The following ZNF185 variants were observed in gnomAD, a reference collection of about 807,000 sequenced individuals.
The protein encoded by ZNF185 is zinc finger protein 185 with LIM domain.
Under a neutral mutation model 58.6 loss-of-function variants are expected in ZNF185, and 56 were observed. The observed-to-expected ratio is 0.95, with a 90% CI of 0.77 to 1.19. The LOEUF (loss-of-function observed/expected upper bound fraction) is 1.19, where lower values mean the gene tolerates loss of function less well. ZNF185 is among the 50% of genes most tolerant of loss of function. The pLI is 0.00. For missense variants in ZNF185, 627 were observed against 573.5 expected (o/e 1.09, Z -0.95); for synonymous variants, 230 against 215.9 (o/e 1.07, Z -0.57).
At chrX:152,938,232 G>C in intron 15 of ZNF185, 69 bp downstream of exon 17, 1 of 1,061,320 alleles carries the variant, frequency 9.4e-7, no homozygotes, top group Non-Finnish European at 1.3e-6. Flanking sequence ...GTGTCCATTG[G>C]CCTTTGGCTG....
the ZNF185 span, among the ~76,000 whole-genome samples, chrX:152,906,186 C>G: frequency 8.9e-6 from 1 of 112,586 alleles, no homozygotes; most frequent in Non-Finnish European, 1.9e-5. Flanking sequence ...GCATGAGCCC[C>G]AGCAGGTATC....
At chrX:152,957,574 A>G (rs2048980986) in intron 16 of ZNF185, among the ~76,000 whole-genome samples, 1 of 112,232 alleles carries the variant, frequency 8.9e-6, no homozygotes, top group Non-Finnish European at 1.9e-5. Flanking sequence ...AGAGACAAGG[A>G]GAAAGTACTG....
At chrX:152,919,110 C>T (rs377335368) in intron 7 of ZNF185, 29 bp downstream of exon 8, 280 of 1,126,657 alleles carry the variant, frequency 2.5e-4, no homozygotes, top group Middle Eastern at 2.2e-3. Context: ...TTGGGCATCC[C>T]GGGGGGCAGG....
upstream of ZNF185, among the ~76,000 whole-genome samples, chrX:152,913,195 C>T (rs1360248190): frequency 8.9e-6 from 1 of 112,369 alleles, no homozygotes; most frequent in African/African-American, 3.2e-5. Context: ...ATGAAAGGCC[C>T]TGGAGAGAAA....
chrX:152,954,972 G>T (rs1019485242), intron 16 of ZNF185, among the ~76,000 whole-genome samples: 3 of 111,265 alleles, frequency 2.7e-5, no homozygotes, highest in East Asian at 5.6e-4. Context: ...AAGGTGGAGG[G>T]GGGGAAATGA....
intron 2 of ZNF185, 35 bp downstream of exon 3, chrX:152,914,868 G>T: frequency 1.7e-6 from 2 of 1,164,795 alleles, no homozygotes; most frequent in Non-Finnish European, 2.3e-6. Flanking sequence ...CCGCAGCAAC[G>T]TGGGGGCGCG....
chrX:152,929,363 T>C (rs953650384), intron 12 of ZNF185, among the ~76,000 whole-genome samples: 1 of 111,060 alleles, frequency 9.0e-6, no homozygotes, highest in African/African-American at 3.3e-5. Flanking sequence ...GCAGGGAGAC[T>C]GGGCCCCTAC....
At chrX:152,908,986 G>C in the ZNF185 span, among the ~76,000 whole-genome samples, 1 of 113,206 alleles carries the variant, frequency 8.8e-6, no homozygotes, top group East Asian at 2.8e-4. Context: ...CCCAGAGGAC[G>C]GCATGGTTCT....
At chrX:152,951,145 G>A (rs782132865) in intron 16 of ZNF185, among the ~76,000 whole-genome samples, 26 of 101,650 alleles carry the variant, frequency 2.6e-4, no homozygotes, top group African/African-American at 6.9e-4. Flanking sequence ...GAGTGCAGTC[G>A]CGCGATCACC....
chrX:152,922,609 A>T (rs2071261), intron 10 of ZNF185, 111 bp from the exon 12 acceptor site: 2 of 731,283 alleles, frequency 2.7e-6, no homozygotes, highest in South Asian at 5.4e-5. Context: ...TGGCAGTAGC[A>T]TGCCATTGTC....
the ZNF185 span, among the ~76,000 whole-genome samples, chrX:152,901,530 C>T: frequency 2.4e-3 from 262 of 111,078 alleles, 1 homozygote; most frequent in African/African-American, 8.2e-3. Context: ...TCTGAATTCC[C>T]GCTATTAACA....
exon 10 of ZNF185, chrX:152,922,224 T>C: frequency 8.4e-7 from 1 of 1,189,488 alleles, no homozygotes; most frequent in East Asian, 3.1e-5. Flanking sequence ...AGGACCCACC[T>C]GCTCTGGCAA....
chrX:152,970,363 G>T, intron 21 of ZNF185, 80 bp from the exon 24 acceptor site: 1 of 959,924 alleles, frequency 1.0e-6, no homozygotes, highest in East Asian at 3.1e-5. Context: ...CGCCCACCTT[G>T]TTCAGGCATC....
At chrX:152,915,672 TCTGA>T (rs1206753825) in intron 3 of ZNF185, among the ~76,000 whole-genome samples, 1 of 112,509 alleles carries the variant, frequency 8.9e-6, no homozygotes, top group Non-Finnish European at 1.9e-5. Flanking sequence ...ACGAGTTTGC[TCTGA>T]CTGTCTCCCA....
At chrX:152,939,531 C>T (rs1192347373) in intron 15 of ZNF185, among the ~76,000 whole-genome samples, 1 of 112,096 alleles carries the variant, frequency 8.9e-6, no homozygotes, top group Non-Finnish European at 1.9e-5. Flanking sequence ...GGAGCCTAGT[C>T]TCAAGACCCA....
chrX:152,908,627 C>T, the ZNF185 span, among the ~76,000 whole-genome samples: 1 of 112,696 alleles, frequency 8.9e-6, no homozygotes, highest in African/African-American at 3.2e-5. Context: ...AGTGTCTCCT[C>T]CCTCCAGCGG....
chrX:152,936,743 C>T (rs1156885884), intron 14 of ZNF185, among the ~76,000 whole-genome samples: 1 of 110,503 alleles, frequency 9.0e-6, no homozygotes, highest in Non-Finnish European at 1.9e-5. Context: ...CCAGCACCAA[C>T]CTACATGGAC....
At chrX:152,941,537 G>C (rs1556889419) in intron 15 of ZNF185, 1 of 480,058 alleles carries the variant, frequency 2.1e-6, no homozygotes, top group Non-Finnish European at 2.6e-6. Context: ...GGCACAGGAC[G>C]TGTGCGCCTG....
Position 152,953,061 on chromosome X carries a change from T to C in ZNF185, c.1410-6638T>C, listed in dbSNP as rs1433472208. Among the ~76,000 whole-genome samples, 3 of 110,861 alleles carry C rather than the reference T, an allele frequency of 2.7e-5. No individual in the cohort carries two copies. The Admixed American group carries it at 2.9e-4, about 11-fold the overall frequency. ...CGTCATCTGGGAGCCAAAGTTTCTCTTCAGTCCTCATTGAGGAGCTGAAGG... is the reference window on the plus strand; with the variant it reads ...CGTCATCTGGGAGCCAAAGTTTCTCCTCAGTCCTCATTGAGGAGCTGAAGG... On this transcript the variant is annotated intron_variant, in intron 16 of 22. Coordinates refer to ENST00000449285, the Ensembl canonical transcript of ZNF185.
Sources: gnomAD v4.1 joint callset for allele counts (sites outside exome capture counted in the v4.1 genomes callset) on GRCh38, gnomAD v4.1.1 for gene constraint, MANE v1.5 for transcripts, NCBI Gene and HGNC (gene_info 2026-07-23, HGNC 2026-07-21) for gene names.